Variants in TMEM187 observed in about 807,000 individuals in gnomAD.
TMEM187 encodes the protein chromosome X open reading frame 12.
In TMEM187, 14 loss-of-function variants were observed where a neutral mutation model predicts 11.8. The observed-to-expected ratio is 1.18, with a 90% CI of 0.78 to 1.85. The LOEUF is 1.85. Among genes scored for constraint, TMEM187 ranks in the 40% most tolerant of loss-of-function variants. TMEM187 has a pLI of 0.00. For synonymous variants in TMEM187, 112 were observed against 118.5 expected (o/e 0.95, Z 0.36); for missense variants, 227 against 243.9 (o/e 0.93, Z 0.46).
chrX:153,974,288 A>G (rs781950286), intron 1 of TMEM187, among the ~76,000 whole-genome samples: 56 of 112,169 alleles, frequency 5.0e-4, no homozygotes, highest in Non-Finnish European at 8.5e-4. Context: ...GCTGGCAGGC[A>G]GGAGGGTCAG....
chrX:153,982,838 AGAC>A lies in TMEM187; in HGVS notation c.778_780del (p.Thr260del). On this transcript the variant is annotated inframe_deletion, in exon 2 of 2. Transcript: ENST00000369982. ...CCAAGATTCCATCCCTCTGGCGGGAAGACGCGTTGAACCCAGGGAAGAACCTGC... is the reference window on the plus strand; with the variant it reads ...CCAAGATTCCATCCCTCTGGCGGGAAGCGTTGAACCCAGGGAAGAACCTGC... 1 of 1,212,103 alleles carries A rather than the reference AGAC, an allele frequency of 8.3e-7. No individual in the cohort carries two copies. The highest frequency in any genetic ancestry group is 1.1e-6 in the Non-Finnish European group (1 of 895,592).
rs782515835 is a variant in TMEM187, at chrX:153,982,191, G to A, written c.129G>A (p.Ala43=). The change falls in exon 2 of 2, where the codon GCG becomes GCA. Residue 43 remains alanine (A), a synonymous_variant. Coordinates refer to ENST00000369982, the MANE Select transcript of TMEM187 (RefSeq NM_003492.3). ...VQVGYEHYAE[A]PVAGLPAFLA... is the part of the protein sequence containing the mutation. ...TGGGCTATGAGCACTACGCCGAGGC[G>A]CCCGTGGCCGGCCTCCCTGCCTTCC... 18 of 1,211,629 alleles carry A rather than the reference G, an allele frequency of 1.5e-5. No individual in the cohort carries two copies. In the South Asian group the frequency reaches 1.6e-4, roughly 11 times the overall value.
Position 153,981,871 on chromosome X carries a change from C to A in TMEM187, c.-192C>A. On this transcript the variant is annotated 5_prime_UTR_variant, in exon 2 of 2. Transcript: ENST00000369982. ...AAAGGAAAAAGGCAGAACGTTCCTC[C>A]GCTGGCGCCAGCCAATCAGCAGGAC... is the stretch of plus-strand genomic sequence containing the variant. 1.4e-6 allele frequency: 1 copy of A among 728,828 alleles called. No homozygotes were observed. The highest frequency in any genetic ancestry group is 2.0e-6 in the Non-Finnish European group (1 of 500,899). The allele number at this position is 728,828 out of a possible 1,213,427, so 60.1% of individuals were successfully genotyped here.
chrX:153,977,687 G>A (rs57032784), intron 1 of TMEM187, among the ~76,000 whole-genome samples: 35,708 of 108,047 alleles, frequency 0.33, 5,932 homozygotes, highest in East Asian at 0.74. Context: ...GAGGCGGGCG[G>A]ATCACTTGAG....
At chrX:153,981,604 C>G (rs782392136) in intron 1 of TMEM187, among the ~76,000 whole-genome samples, 1 of 112,271 alleles carries the variant, frequency 8.9e-6, no homozygotes, top group East Asian at 2.8e-4. Context: ...CAGAGCTAGA[C>G]AGGTCTTGTC....
intron 1 of TMEM187, among the ~76,000 whole-genome samples, chrX:153,976,215 T>C (rs1381991493): frequency 8.9e-6 from 1 of 112,041 alleles, no homozygotes; most frequent in African/African-American, 3.2e-5. Flanking sequence ...AGATACATGA[T>C]GGAATATTAT....
chrX:153,980,003 C>A (rs2065593627), intron 1 of TMEM187, among the ~76,000 whole-genome samples: 1 of 109,671 alleles, frequency 9.1e-6, no homozygotes, highest in Admixed American at 9.8e-5. Context: ...TCCCAAAGTG[C>A]TGGGATTACA....
chrX:153,979,930 G>A (rs1406643799), intron 1 of TMEM187, among the ~76,000 whole-genome samples: 1 of 107,819 alleles, frequency 9.3e-6, no homozygotes, highest in Admixed American at 1.0e-4. Flanking sequence ...GTAGAGACGG[G>A]GTTTCACCGT....
chrX:153,973,895 G>T (rs999373013), intron 1 of TMEM187, among the ~76,000 whole-genome samples: 1 of 112,062 alleles, frequency 8.9e-6, no homozygotes, highest in Non-Finnish European at 1.9e-5. Context: ...GCGTGCGGGA[G>T]AGTCTGGGGC....
intron 1 of TMEM187, among the ~76,000 whole-genome samples, chrX:153,980,117 G>A (rs1419182239): frequency 1.9e-5 from 2 of 105,989 alleles, no homozygotes; most frequent in Admixed American, 1.0e-4. Flanking sequence ...GCGTGAACCC[G>A]GGAGATGGAG....
At position 153,983,183 on chromosome X, in the gene TMEM187, G is replaced by T. The variant is rs1486307592; in HGVS notation, c.*335G>T. The T allele has an allele frequency of 3.1e-6, 1 of 321,771 alleles. No homozygotes were observed. The allele number at this position is 321,771 out of a possible 1,213,427, so 26.5% of individuals were successfully genotyped here. On this transcript the variant is annotated 3_prime_UTR_variant, in exon 2 of 2. Coordinates refer to ENST00000369982, the MANE Select transcript of TMEM187 (RefSeq NM_003492.3). ...CACCAAGAAGCCCCTCATGCTCATG[G>T]TTGGACAGAGAGCGATCGTCTGGAG... is the stretch of plus-strand genomic sequence containing the variant.
In TMEM187 at chrX:153,982,705, G is replaced by T. The variant is rs137990072; in HGVS notation, c.643G>T (p.Ala215Ser). ...CCTCAAGCTGTGTGACCATCAGCTC[G>T]CACGGTGGCGTCTCTTCCAGTGCCT... Reference protein sequence around the residue: ...VVLKLCDHQLARWRLFQCLTG... With the variant: ...VVLKLCDHQLSRWRLFQCLTG... The change falls in exon 2 of 2, where the codon GCA becomes TCA. Residue 215 changes from alanine to serine, a missense_variant. Ala to Ser is a moderately conservative substitution (Grantham distance 99, BLOSUM62 1). Coordinates refer to ENST00000369982, the MANE Select transcript of TMEM187 (RefSeq NM_003492.3). 1.6e-6 allele frequency: 2 copies of T among 1,212,136 alleles called. No homozygotes were observed. Among genetic ancestry groups the T allele is most frequent in the Non-Finnish European group, 2.2e-6 (2 of 895,603 alleles).
In TMEM187 at chrX:153,982,466, G is replaced by A. The variant is rs782590521; in HGVS notation, c.404G>A (p.Arg135His). The A allele has an allele frequency of 2.2e-5, 26 of 1,201,733 alleles. No individual in the cohort carries two copies. Among genetic ancestry groups the A allele is most frequent in the Middle Eastern group, 2.3e-4 (1 of 4,292 alleles). Residue 135 changes from arginine (R) to histidine (H), a missense_variant, in exon 2 of 2, where the codon CGC (arginine) becomes CAC (histidine). By Grantham distance (29) the Arg-to-His change is conservative (BLOSUM62 0). Transcript: ENST00000369982. Reference protein sequence around the residue: ...WPVAWCLYLDRGWRPWLFLSL... With the variant: ...WPVAWCLYLDHGWRPWLFLSL... Reference sequence around the variant, plus strand: ...GTGGCCTGGTGCCTCTACCTAGACCGCGGCTGGCGGCCCTGGCTGTTCCTC... The same window carrying A: ...GTGGCCTGGTGCCTCTACCTAGACCACGGCTGGCGGCCCTGGCTGTTCCTC...
chrX:153,981,197 C>T (rs1236342840), intron 1 of TMEM187: 3 of 112,509 alleles, frequency 2.7e-5, no homozygotes, highest in African/African-American at 6.6e-5. Flanking sequence ...GCTACTAGGG[C>T]TCACTTACAG....
Position 153,981,902 on chromosome X carries a change from C to A in TMEM187, c.-161C>A. The A allele has an allele frequency of 1.0e-6, 1 of 962,682 alleles. No homozygotes were observed. Among genetic ancestry groups the A allele is most frequent in the Admixed American group, 2.7e-5 (1 of 37,346 alleles). 79.3% of individuals were successfully genotyped at this position (962,682 alleles called of 1,213,427 possible). A position where few individuals can be genotyped will look rare whatever the true frequency, so the allele number is the denominator to read the frequency against. On this transcript the variant is annotated 5_prime_UTR_variant, in exon 2 of 2. Transcript: ENST00000369982. ...CGCCAGCCAATCAGCAGGACTCCTG[C>A]CTTCCTTCGGGGCAAGGTCGCAGCA...
At chrX:153,979,734 ATTT>A (rs781814360) in intron 1 of TMEM187, among the ~76,000 whole-genome samples, 59 of 60,929 alleles carry the variant, frequency 9.7e-4, no homozygotes, top group African/African-American at 2.9e-3. Context: ...TGTCTCTACA[ATTT>A]TTTTTTTTTT....
rs781985373 is a variant in TMEM187 at position 153,978,292 on chromosome X, G to A, written c.-213-3558G>A. Among the ~76,000 whole-genome samples, 138 of 104,725 alleles carry A rather than the reference G, an allele frequency of 1.3e-3. No homozygotes were observed. In the Admixed American group the frequency reaches 0.013, roughly 10 times the overall value. 90.9% of individuals were successfully genotyped at this position (104,725 alleles called of 115,157 possible). ...CAGATACTTTTTTTTTTTTTGAGAC[G>A]GAGTCTCATTCTGTCGCCCAGGCTG... On this transcript the variant is annotated intron_variant, in intron 1 of 1. Transcript: ENST00000369982.
chrX:153,974,838 TC>T (rs1238369845), intron 1 of TMEM187, among the ~76,000 whole-genome samples: 1 of 112,291 alleles, frequency 8.9e-6, no homozygotes, highest in Non-Finnish European at 1.9e-5. Flanking sequence ...CTGGTGGCCC[TC>T]CTCAGCAACG....
chrX:153,974,470 C>T (rs1026559936), intron 1 of TMEM187, among the ~76,000 whole-genome samples: 26 of 112,474 alleles, frequency 2.3e-4, no homozygotes, highest in Admixed American at 2.0e-3. Flanking sequence ...AAAGGGCTTC[C>T]AGGACAGAGC....
Sources: allele counts gnomAD v4.1 joint callset (sites outside exome capture counted in the v4.1 genomes callset), GRCh38; gene constraint gnomAD v4.1.1; transcripts MANE v1.5; gene names NCBI Gene and HGNC (gene_info 2026-07-23, HGNC 2026-07-21).